Variants in GLTP observed in about 807,000 individuals in gnomAD.
GLTP encodes the protein glycolipid transfer protein.
Under a neutral mutation model 24.0 loss-of-function variants are expected in GLTP, and 22 were observed. The observed-to-expected ratio is 0.92, with a 90% confidence interval of 0.65 to 1.31. The LOEUF (loss-of-function observed/expected upper bound fraction) is 1.31. Ranked by LOEUF, GLTP falls within the 50% of genes most tolerant of loss-of-function variation. The pLI, the probability that GLTP is intolerant of heterozygous loss-of-function variation, is 0.00. For missense variants in GLTP, 224 were observed against 276.6 expected (o/e 0.81, Z 1.35); for synonymous variants, 92 against 115.9 (o/e 0.79, Z 1.33).
chr12:109,852,368 T>C lies in GLTP; in HGVS notation c.*187A>G, dbSNP rs925973550. The C allele has an allele frequency of 2.7e-6, 1 of 376,662 alleles. No homozygotes were observed. Among genetic ancestry groups the C allele is most frequent in the Non-Finnish European group, 4.5e-6 (1 of 220,890 alleles). 23.3% of individuals were successfully genotyped at this position (376,662 alleles called of 1,614,324 possible). Reference sequence around the variant, plus strand: ...ATCATTATTTACTGGTCCTTTAGAATAGACCAAAAAAAAAAAAAAAAAAGA... The same window carrying C: ...ATCATTATTTACTGGTCCTTTAGAACAGACCAAAAAAAAAAAAAAAAAAGA... On this transcript the variant is annotated 3_prime_UTR_variant, in exon 5 of 5. Coordinates refer to ENST00000318348, the MANE Select transcript of GLTP (RefSeq NM_016433.4).
chr12:109,863,227 GA>G (rs1310491511), intron 1 of GLTP, among the ~76,000 whole-genome samples: 2 of 151,988 alleles, frequency 1.3e-5, no homozygotes, highest in African/African-American at 4.8e-5. Flanking sequence ...CCACATGTTT[GA>G]ATTTTCTCAT....
chr12:109,863,474 T>C (rs1480296015), intron 1 of GLTP, among the ~76,000 whole-genome samples: 1 of 152,186 alleles, frequency 6.6e-6, no homozygotes, highest in Non-Finnish European at 1.5e-5. Flanking sequence ...AGTTGGTACT[T>C]GTATGACATC....
At chr12:109,867,778 CTTTT>C (rs11300324) in intron 1 of GLTP, among the ~76,000 whole-genome samples, 3 of 131,684 alleles carry the variant, frequency 2.3e-5, no homozygotes, top group Non-Finnish European at 3.2e-5. Context: ...TTTCTTTTCT[CTTTT>C]TTTTTTTTTT....
intron 1 of GLTP, among the ~76,000 whole-genome samples, chr12:109,864,079 T>TTG: frequency 6.6e-6 from 1 of 152,284 alleles, no homozygotes; most frequent in Middle Eastern, 3.4e-3. Context: ...GCAGCTGTTA[T>TTG]TGTGTGTGGG....
At chr12:109,874,237 G>A (rs1868814529) in intron 1 of GLTP, among the ~76,000 whole-genome samples, 1 of 152,190 alleles carries the variant, frequency 6.6e-6, no homozygotes, top group Non-Finnish European at 1.5e-5. Flanking sequence ...CTCACTGGCT[G>A]TGTGACCCTG....
At chr12:109,858,830 A>G in intron 1 of GLTP, 89 bp from the exon 2 acceptor site, 2 of 875,648 alleles carry the variant, frequency 2.3e-6, no homozygotes, top group Non-Finnish European at 3.9e-6. Context: ...GGAAGGGTGG[A>G]TTACATGGTG....
intron 1 of GLTP, among the ~76,000 whole-genome samples, chr12:109,872,199 T>C (rs1224827142): frequency 6.6e-6 from 1 of 152,268 alleles, no homozygotes; most frequent in African/African-American, 2.4e-5. Flanking sequence ...CTCTGTGCCC[T>C]GGCAGTCATT....
rs1248857347 is a variant in GLTP at position 109,855,607 on chromosome 12, G to C, written c.447+12C>G. ...AGCTGGTGGTCCTTTGGGGCTCATG[G>C]GGGTGGCTCACCTGGAAGATCTTCT... On this transcript the variant is annotated intron_variant, in intron 4 of 4. Transcript: ENST00000318348. The surrounding 1 kb of genome is among the most constrained non-coding windows in gnomAD (Gnocchi z 4.1). 3.2e-6 allele frequency: 5 copies of C among 1,541,642 alleles called. No individual in the cohort carries two copies. In the South Asian group the frequency reaches 3.7e-5, roughly 11 times the overall value.
chr12:109,866,660 A>T (rs187189397), intron 1 of GLTP, among the ~76,000 whole-genome samples: 7 of 152,260 alleles, frequency 4.6e-5, no homozygotes, highest in Admixed American at 4.6e-4. Context: ...TATGATAAAG[A>T]TGTAGCCCAG....
chr12:109,864,262 G>A (rs1315403693), intron 1 of GLTP, among the ~76,000 whole-genome samples: 1 of 152,206 alleles, frequency 6.6e-6, no homozygotes, highest in Admixed American at 6.5e-5. Context: ...AGCAGGAAAG[G>A]CAGCTCTGTA....
At chr12:109,867,714 C>T (rs909085456) in intron 1 of GLTP, among the ~76,000 whole-genome samples, 2 of 151,992 alleles carry the variant, frequency 1.3e-5, no homozygotes, top group African/African-American at 4.8e-5. Context: ...GATGGGGTCT[C>T]ATTGTATCAC....
At chr12:109,879,411 C>T (rs1373408949) in intron 1 of GLTP, among the ~76,000 whole-genome samples, 3 of 152,168 alleles carry the variant, frequency 2.0e-5, no homozygotes, top group Admixed American at 6.5e-5. Flanking sequence ...CTTGGCTGGA[C>T]TGGGCTAGGC....
intron 1 of GLTP, among the ~76,000 whole-genome samples, chr12:109,868,237 C>G (rs1868606827): frequency 6.6e-6 from 1 of 152,164 alleles, no homozygotes; most frequent in Non-Finnish European, 1.5e-5. Context: ...TCTTGAACTC[C>G]TAGCCACAAG....
intron 1 of GLTP, among the ~76,000 whole-genome samples, chr12:109,877,652 AC>A (rs1275605338): frequency 1.3e-5 from 2 of 152,220 alleles, no homozygotes; most frequent in Admixed American, 6.5e-5. Context: ...CTTGGAGGAA[AC>A]TGTAGCTGCA....
chr12:109,868,382 A>C (rs943563008), intron 1 of GLTP, among the ~76,000 whole-genome samples: 1 of 152,166 alleles, frequency 6.6e-6, no homozygotes, highest in African/African-American at 2.4e-5. Flanking sequence ...AGACCACAGC[A>C]TATACCTGGA....
At chr12:109,873,446 AG>A (rs1483299411) in intron 1 of GLTP, among the ~76,000 whole-genome samples, 1 of 152,136 alleles carries the variant, frequency 6.6e-6, no homozygotes, top group Non-Finnish European at 1.5e-5. Flanking sequence ...CAGCCTAGCC[AG>A]CATGGTGAAA....
At chr12:109,852,822 C>G (rs1892744970) in intron 4 of GLTP, 85 bp from the exon 5 acceptor site, 4 of 813,226 alleles carry the variant, frequency 4.9e-6, no homozygotes, top group African/African-American at 3.4e-5. Context: ...TGGGAGGGGT[C>G]TTCCCTGGGT....
At chr12:109,876,698 G>A (rs1308481496) in intron 1 of GLTP, among the ~76,000 whole-genome samples, 1 of 151,772 alleles carries the variant, frequency 6.6e-6, no homozygotes, top group Non-Finnish European at 1.5e-5. Flanking sequence ...AGAAAGAAAA[G>A]GAAAGACAGA....
At chr12:109,878,671 G>A (rs529396741) in intron 1 of GLTP, among the ~76,000 whole-genome samples, 1 of 152,050 alleles carries the variant, frequency 6.6e-6, no homozygotes, top group African/African-American at 2.4e-5. Flanking sequence ...GAGCTGGTTC[G>A]CTCCCAAGCC....
Sources: gnomAD v4.1 joint callset for allele counts (sites outside exome capture counted in the v4.1 genomes callset) on GRCh38, gnomAD v4.1.1 for gene constraint, Gnocchi (gnomAD v3.1) non-coding constraint, MANE v1.5 for transcripts, NCBI Gene and HGNC (gene_info 2026-07-23, HGNC 2026-07-21) for gene names.